DOCK1: variants seen among roughly 807,000 people sequenced by gnomAD.
DOCK1 encodes the protein dedicator of cytokinesis protein 1.
A neutral mutation model predicts 262.7 loss-of-function variants in DOCK1; 138 were observed. The ratio of observed to expected loss-of-function variants is 0.53; its 90% CI spans 0.46 to 0.61. DOCK1 has a LOEUF of 0.61. Ranked by LOEUF, DOCK1 falls within the 20% of genes least tolerant of loss-of-function variation. The pLI, the probability that DOCK1 is intolerant of heterozygous loss-of-function variation, is 0.00. For synonymous variants in DOCK1, 866 were observed against 867.4 expected, an observed-to-expected ratio of 1.00 and a Z score of 0.03; for missense variants, 1,908 against 2,370.7, an observed-to-expected ratio of 0.80 and a Z score of 4.05.
intron 27 of DOCK1, among the ~76,000 whole-genome samples, chr10:127,215,371 C>T (rs2058160440): frequency 6.6e-6 from 1 of 152,204 alleles, no homozygotes; most frequent in East Asian, 1.9e-4. Flanking sequence ...TCCATGTGAT[C>T]CCTCTGTGGT....
At chr10:127,133,003 T>C (rs952618177) in intron 27 of DOCK1, among the ~76,000 whole-genome samples, 2 of 152,186 alleles carry the variant, frequency 1.3e-5, no homozygotes, top group African/African-American at 4.8e-5. Flanking sequence ...CACTGGAGCA[T>C]CCTGACTCCC....
In DOCK1 at chr10:127,381,389, C is replaced by A. The variant is rs6482833; in HGVS notation, c.3807+21C>A. 15 of 1,589,060 alleles carry A rather than the reference C, an allele frequency of 9.4e-6. No homozygotes were observed. The East Asian group carries it at 3.1e-4, about 33-fold the overall frequency. ...TTAAGGTAATGTCAATTACCAGTCA[C>A]CTTGATGATTCTATTGTTATAAATT... On this transcript the variant is annotated intron_variant, in intron 37 of 51. Transcript: ENST00000623213.
chr10:127,249,637 G>A (rs1261891474), intron 28 of DOCK1, among the ~76,000 whole-genome samples: 2 of 152,180 alleles, frequency 1.3e-5, no homozygotes, highest in Non-Finnish European at 2.9e-5. Flanking sequence ...GCATGTGACT[G>A]CACTGAATAC....
At chr10:127,282,961 C>T (rs2061015619) in intron 29 of DOCK1, among the ~76,000 whole-genome samples, 1 of 152,232 alleles carries the variant, frequency 6.6e-6, no homozygotes, top group South Asian at 2.1e-4. Flanking sequence ...CACAGAAGAA[C>T]AAGTAAGCGT....
chr10:127,004,304 G>C (rs1311338858), intron 10 of DOCK1, among the ~76,000 whole-genome samples: 1 of 151,884 alleles, frequency 6.6e-6, no homozygotes, highest in Non-Finnish European at 1.5e-5. Context: ...CGTTCTGCTT[G>C]TGGAGTTTCC....
rs764481392 is a variant in DOCK1 at position 127,042,712 on chromosome 10, C to T, written c.2098C>T (p.Leu700=). Residue 700 remains leucine (L), a splice_region_variant and synonymous_variant, in exon 20 of 52, where the codon CTG becomes TTG. Transcript: ENST00000623213. ...TTTTGACACGTTAGTCTTTGATGCT[C>T]TGGTAAGAGAGCTTTCCTTCTCATA... is the stretch of plus-strand genomic sequence containing the variant. ...ETFDTLVFDA[L]VFIIGLIADR... is the part of the protein sequence containing the mutation. 17 of 1,613,826 alleles carry T rather than the reference C, an allele frequency of 1.1e-5. No individual in the cohort carries two copies. Among genetic ancestry groups the T allele is most frequent in the Middle Eastern group, 1.6e-4 (1 of 6,084 alleles).
chr10:127,151,713 G>T (rs567656101), intron 27 of DOCK1, among the ~76,000 whole-genome samples: 14 of 152,160 alleles, frequency 9.2e-5, no homozygotes, highest in African/African-American at 1.4e-4. Flanking sequence ...TAACCAGAGC[G>T]ATCACAGTGC....
rs117155795 is a variant in DOCK1, at chr10:126,918,278, C to T, written c.46+12715C>T. Reference sequence around the variant, plus strand: ...GATTGCCAGCATGCAGCGGGGGCTCCGCTGATGCCCGGTATCCACCAGCGT... The same window carrying T: ...GATTGCCAGCATGCAGCGGGGGCTCTGCTGATGCCCGGTATCCACCAGCGT... On this transcript the variant is annotated intron_variant, in intron 1 of 51. Transcript: ENST00000623213. Among the ~76,000 whole-genome samples, 158 of 152,130 alleles carry T rather than the reference C, an allele frequency of 1.0e-3. 1 individual carries two copies. The highest frequency in any genetic ancestry group is 6.4e-3 in the East Asian group (33 of 5,158).
chr10:127,363,000 C>CAT, intron 33 of DOCK1, among the ~76,000 whole-genome samples: 1 of 145,422 alleles, frequency 6.9e-6, no homozygotes, highest in Non-Finnish European at 1.5e-5. Flanking sequence ...CCCCCACACA[C>CAT]ACACGCACAT....
At chr10:127,052,571 G>C in intron 21 of DOCK1, 110 bp from the exon 22 acceptor site, 1 of 1,445,548 alleles carries the variant, frequency 6.9e-7, no homozygotes, top group South Asian at 1.3e-5. Context: ...TTCATATACT[G>C]ATAGATGGAA....
intron 27 of DOCK1, among the ~76,000 whole-genome samples, chr10:127,215,426 C>G (rs182781842): frequency 9.2e-5 from 14 of 152,286 alleles, no homozygotes; most frequent in African/African-American, 3.1e-4. Context: ...TTACTTGGCG[C>G]CAAGCATGGC....
intron 29 of DOCK1, among the ~76,000 whole-genome samples, chr10:127,336,577 T>G (rs574225877): frequency 6.6e-6 from 1 of 151,728 alleles, no homozygotes; most frequent in Admixed American, 6.6e-5. Flanking sequence ...TCTCACTCTG[T>G]CACCCAGGCT....
At chr10:127,167,810 CCACCACCCCCCATCCCCAAAATA>C (rs2054218965) in intron 27 of DOCK1, among the ~76,000 whole-genome samples, 2 of 151,964 alleles carry the variant, frequency 1.3e-5, no homozygotes, top group African/African-American at 2.4e-5. Context: ...GTGATCCTCA[CCACCACCCCCCATCCCCAAAATA>C]CACCACCCTG....
chr10:127,010,993 G>C (rs141635730), intron 11 of DOCK1, among the ~76,000 whole-genome samples: 1 of 152,160 alleles, frequency 6.6e-6, no homozygotes. Context: ...GGTTAGGGAG[G>C]TTATTAGTTT....
At chr10:127,433,598 T>C (rs2069452001) in intron 48 of DOCK1, among the ~76,000 whole-genome samples, 170 bp downstream of exon 48, 1 of 152,126 alleles carries the variant, frequency 6.6e-6, no homozygotes, top group Admixed American at 6.5e-5. Flanking sequence ...TGCCCAATAT[T>C]ACTTTGAGGT....
chr10:127,276,579 T>G (rs114355309), intron 29 of DOCK1, among the ~76,000 whole-genome samples: 1,588 of 152,236 alleles, frequency 0.01, 38 homozygotes, highest in African/African-American at 0.036. Context: ...ACTCGGACAC[T>G]GGTGACACGG....
At chr10:127,346,970 C>T (rs1280543007) in intron 31 of DOCK1, among the ~76,000 whole-genome samples, 4 of 152,288 alleles carry the variant, frequency 2.6e-5, no homozygotes, top group African/African-American at 4.8e-5. Flanking sequence ...ACAAAGCCCC[C>T]GGAGCCTGAG....
chr10:127,248,159 C>A (rs1322512618), intron 28 of DOCK1, 50 bp downstream of exon 28: 2 of 1,485,778 alleles, frequency 1.3e-6, no homozygotes, highest in Admixed American at 1.8e-5. Flanking sequence ...AGGGCCAGCA[C>A]TTTAGACAAA....
At chr10:126,932,039 C>T (rs1293469770) in intron 1 of DOCK1, among the ~76,000 whole-genome samples, 1 of 152,134 alleles carries the variant, frequency 6.6e-6, no homozygotes, top group African/African-American at 2.4e-5. Context: ...GATGGAGACG[C>T]TGATGACTCC....
Sources: gnomAD v4.1 joint callset for allele counts (sites outside exome capture counted in the v4.1 genomes callset) on GRCh38, gnomAD v4.1.1 for gene constraint, MANE v1.5 for transcripts, NCBI Gene and HGNC (gene_info 2026-07-23, HGNC 2026-07-21) for gene names.